Variants in WDR88 observed in about 807,000 individuals in gnomAD.
WDR88 encodes WD repeat domain 88.
A neutral mutation model predicts 46.8 loss-of-function variants in WDR88; 40 were observed. That is an observed-to-expected ratio of 0.86 (90% CI 0.66 to 1.11). The LOEUF (loss-of-function observed/expected upper bound fraction) is 1.11. WDR88 is among the 50% of genes most tolerant of loss of function. The pLI is 0.00. For missense variants in WDR88, 562 were observed against 602.4 expected (o/e 0.93, Z 0.70); for synonymous variants, 235 against 240.7 (o/e 0.98, Z 0.22).
chr19:33,149,460 G>A (rs1187138088), intron 5 of WDR88, among the ~76,000 whole-genome samples: 1 of 152,146 alleles, frequency 6.6e-6, no homozygotes, highest in African/African-American at 2.4e-5. Context: ...CCAACCTCAT[G>A]TGGTCATTGA....
chr19:33,134,448 C>T (rs1307410167), intron 1 of WDR88, among the ~76,000 whole-genome samples: 1 of 152,094 alleles, frequency 6.6e-6, no homozygotes, highest in Non-Finnish European at 1.5e-5. Flanking sequence ...ACTCCTGGGC[C>T]TCCCAAAGCA....
At chr19:33,143,659 A>AAAAAATGT (rs1257601513) in intron 2 of WDR88, among the ~76,000 whole-genome samples, 1 of 151,898 alleles carries the variant, frequency 6.6e-6, no homozygotes, top group African/African-American at 2.4e-5. Context: ...AAAAAAAAAA[A>AAAAAATGT]AAGTTTGGTA....
rs142717725 is a variant in WDR88 at position 33,160,479 on chromosome 19, C to T, written c.1063C>T (p.Arg355Trp). 1.8e-4 allele frequency: 286 copies of T among 1,614,100 alleles called. 1 individual carries two copies. The highest frequency in any genetic ancestry group is 1.7e-3 in the East Asian group (78 of 44,886). The change falls in exon 8 of 11, where the codon CGG becomes TGG. Residue 355 changes from arginine to tryptophan, a missense_variant. Arg to Trp is a moderately radical substitution (Grantham distance 101). Transcript: ENST00000355868. ...TATTTGGGATGTAGCAGAAGGCTAC[C>T]GGAAGCTCTCTTTGAAGGTACATGT... ...VAIWDVAEGY[R>W]KLSLKGHNDW... is the part of the protein sequence containing the mutation.
intron 6 of WDR88, among the ~76,000 whole-genome samples, chr19:33,155,964 C>T (rs1416056642): frequency 1.3e-5 from 2 of 152,218 alleles, no homozygotes; most frequent in African/African-American, 2.4e-5. Context: ...CCGTGGCTCA[C>T]GCCTGTAATC....
At chr19:33,163,602 A>T (rs1035560405) in intron 8 of WDR88, among the ~76,000 whole-genome samples, 3 of 151,986 alleles carry the variant, frequency 2.0e-5, no homozygotes, top group Non-Finnish European at 4.4e-5. Context: ...AATGTTGTTG[A>T]TGAAACCGAG....
intron 10 of WDR88, chr19:33,174,183 AAAAG>A: frequency 1.3e-6 from 2 of 1,536,348 alleles, no homozygotes. Flanking sequence ...GCAAAAAAGG[AAAAG>A]AAAGAGGCCT....
At chr19:33,132,492 C>G (rs375410214) in intron 1 of WDR88, 47 bp downstream of exon 1, 11 of 1,597,540 alleles carry the variant, frequency 6.9e-6, no homozygotes, top group East Asian at 4.5e-5. Context: ...GTTCCCCACA[C>G]GGGAGGAAGG....
chr19:33,159,200 C>A, intron 7 of WDR88, among the ~76,000 whole-genome samples: 1 of 151,722 alleles, frequency 6.6e-6, no homozygotes, highest in East Asian at 1.9e-4. Flanking sequence ...GCCAGGTGTG[C>A]TGGCACCTGC....
At chr19:33,140,785 G>A (rs938200736) in intron 2 of WDR88, among the ~76,000 whole-genome samples, 1 of 147,304 alleles carries the variant, frequency 6.8e-6, no homozygotes, top group Non-Finnish European at 1.5e-5. Flanking sequence ...GGGAGACTCC[G>A]TCTCAAAAAA....
chr19:33,166,314 T>C (rs1230649956), intron 9 of WDR88, among the ~76,000 whole-genome samples: 1 of 128,434 alleles, frequency 7.8e-6, no homozygotes, highest in Non-Finnish European at 1.6e-5. Context: ...AAGCTGGGTG[T>C]GGTGGCCACT....
In WDR88 at chr19:33,174,142, C is replaced by T. The variant is rs201901985; in HGVS notation, c.1243-1254C>T. 1,131 of 1,535,128 alleles carry T rather than the reference C, an allele frequency of 7.4e-4. 6 individuals are homozygous for T. The highest frequency in any genetic ancestry group is 2.7e-3 in the Middle Eastern group (16 of 5,986). On this transcript the variant is annotated intron_variant, in intron 10 of 10. Coordinates refer to ENST00000355868, the MANE Select transcript of WDR88 (RefSeq NM_173479.4). ...GCTGGGACTACAGGCGCAAGCTATCCGCACCCAAACTGGGATCTAATCTAT... is the reference window on the plus strand; with the variant it reads ...GCTGGGACTACAGGCGCAAGCTATCTGCACCCAAACTGGGATCTAATCTAT...
At position 33,132,176 on chromosome 19, in the gene WDR88, T is replaced by C. The variant is rs746842354; in HGVS notation, c.7T>C (p.Ser3Pro). The C allele has an allele frequency of 2.3e-5, 36 of 1,589,344 alleles. No homozygotes were observed. Among genetic ancestry groups the C allele is most frequent in the Non-Finnish European group, 3.0e-5 (35 of 1,170,064 alleles). Residue 3 changes from serine to proline, a missense_variant, in exon 1 of 11, where the codon TCC becomes CCC. Ser to Pro is a moderately conservative substitution (Grantham distance 74). Coordinates refer to ENST00000355868, the MANE Select transcript of WDR88 (RefSeq NM_173479.4). Reference protein sequence around the residue: MASPPRCSPTAHD... With the variant: MAPPPRCSPTAHD... ...CGGCGGACCGGGCTTCGAGATGGCCTCCCCGCCGCGGTGCTCCCCGACAGC... is the reference window on the plus strand; with the variant it reads ...CGGCGGACCGGGCTTCGAGATGGCCCCCCCGCCGCGGTGCTCCCCGACAGC...
In WDR88 at chr19:33,156,404, T is replaced by C. The variant is rs148143446; in HGVS notation, c.859T>C (p.Phe287Leu). Residue 287 changes from phenylalanine to leucine, a missense_variant, in exon 7 of 11, where the codon TTC becomes CTC. Transcript: ENST00000355868. ...SNCCFTFSGHFLCTSSWDKNL... is the reference protein window; with the variant it reads ...SNCCFTFSGHLLCTSSWDKNL... ...CTGCTGTTTTACCTTCAGTGGCCAT[T>C]TCCTGTGTACAAGCTCCTGGGATAA... The C allele has an allele frequency of 1.4e-5, 23 of 1,614,164 alleles. No homozygotes were observed. The highest frequency in any genetic ancestry group is 5.0e-5 in the Admixed American group (3 of 60,006).
In WDR88 at chr19:33,147,071, AAGAG is replaced by A. The variant is rs557493647; in HGVS notation, c.477-566_477-563del. ...CTCTGTCTCTAAGGAAAAAAAAAAA[AAGAG>A]AGAGAGAAAAAAATAGCCAGGCATG... is the stretch of plus-strand genomic sequence containing the variant. On this transcript the variant is annotated intron_variant, in intron 3 of 10. Transcript: ENST00000355868. 5.1e-4 allele frequency among the ~76,000 whole-genome samples: 76 copies of A among 150,376 alleles called. 1 individual carries two copies. In the South Asian group the frequency reaches 0.011, roughly 22 times the overall value.
At position 33,175,570 on chromosome 19, in the gene WDR88, T is replaced by G. The variant is rs760940871; in HGVS notation, c.1417T>G (p.Ter473GlyextTer?). 1.7e-5 allele frequency: 28 copies of G among 1,614,020 alleles called. No individual in the cohort carries two copies. The highest frequency in any genetic ancestry group is 8.5e-7 in the Non-Finnish European group (1 of 1,180,010). ...GCCGCCAAGGGGAAGCAAGGATGAC[T>G]GACAGCCACAGGCCCCTTTGAGTGA... ...SPPPRGSKDD[*>G] The change falls in exon 11 of 11, where the codon TGA becomes GGA. Residue 473 changes from the stop codon to glycine, a stop_lost. Coordinates refer to ENST00000355868, the MANE Select transcript of WDR88 (RefSeq NM_173479.4).
intron 7 of WDR88, among the ~76,000 whole-genome samples, chr19:33,157,913 C>T (rs548594268): frequency 6.6e-4 from 100 of 151,530 alleles, no homozygotes; most frequent in African/African-American, 2.2e-3. Flanking sequence ...TAGGGGGCAA[C>T]GAAAGCCTCT....
chr19:33,137,255 ATTT>A (rs71176200), intron 1 of WDR88, among the ~76,000 whole-genome samples: 12 of 136,964 alleles, frequency 8.8e-5, no homozygotes, highest in East Asian at 4.3e-4. Flanking sequence ...CCCAGCCAGA[ATTT>A]TTTTTTTTTT....
chr19:33,137,863 C>A, intron 2 of WDR88, 76 bp downstream of exon 2: 1 of 1,228,184 alleles, frequency 8.1e-7, no homozygotes. Flanking sequence ...TCGAGTTCCC[C>A]AGCACTGAAC....
At chr19:33,143,421 A>C (rs1180335103) in intron 2 of WDR88, among the ~76,000 whole-genome samples, 2 of 145,916 alleles carry the variant, frequency 1.4e-5, no homozygotes, top group African/African-American at 5.1e-5. Flanking sequence ...AGGCAGGAGG[A>C]TCGCTTGAGC....
Sources: allele counts gnomAD v4.1 joint callset (sites outside exome capture counted in the v4.1 genomes callset), GRCh38; gene constraint gnomAD v4.1.1; transcripts MANE v1.5; gene names NCBI Gene and HGNC (gene_info 2026-07-23, HGNC 2026-07-21).